MYRIP: variants seen among roughly 807,000 people sequenced by gnomAD.
MYRIP encodes myosin VIIA and Rab interacting protein.
In MYRIP, 49 loss-of-function variants were observed where a neutral mutation model predicts 98.0. That is an observed-to-expected ratio of 0.50 (90% confidence interval 0.40 to 0.63). The LOEUF (loss-of-function observed/expected upper bound fraction) is 0.63, where lower values mean the gene tolerates loss of function less well. Among genes scored for constraint, MYRIP ranks in the 30% least tolerant of loss-of-function variants. MYRIP has a pLI of 0.00. For synonymous variants in MYRIP, 404 were observed against 409.5 expected (o/e 0.99, Z 0.16); for missense variants, 1,004 against 1,058.2 (o/e 0.95, Z 0.71).
chr3:40,241,308 A>C (rs759200513), intron 12 of MYRIP, among the ~76,000 whole-genome samples: 4 of 152,294 alleles, frequency 2.6e-5, no homozygotes, highest in Middle Eastern at 6.8e-3. Flanking sequence ...CTGAATCCAG[A>C]TCCATGCAGA....
At position 40,151,202 on chromosome 3, in the gene MYRIP, C is replaced by G; in HGVS notation, c.469+18C>G. ...CATTCTAGGTACTCTCACTTCCTGC[C>G]GCTCTGGGAGTCTTTGGTGGGCTGG... On this transcript the variant is annotated intron_variant, in intron 4 of 16. Coordinates refer to ENST00000302541, the MANE Select transcript of MYRIP (RefSeq NM_015460.4). 1 of 1,586,600 alleles carries G rather than the reference C, an allele frequency of 6.3e-7. No homozygotes were observed.
chr3:39,810,115 T>C (rs1224171696), intron 1 of MYRIP, among the ~76,000 whole-genome samples, 199 bp downstream of exon 1: 1 of 152,244 alleles, frequency 6.6e-6, no homozygotes, highest in East Asian at 1.9e-4. Flanking sequence ...GCGCGGGTAC[T>C]TGAACTTGCT....
At position 40,210,081 on chromosome 3, in the gene MYRIP, A is replaced by G. The variant is rs748131429; in HGVS notation, c.1893A>G (p.Glu631=). Residue 631 remains glutamate, a synonymous_variant, in exon 11 of 17, where the codon GAA becomes GAG. Coordinates refer to ENST00000302541, the MANE Select transcript of MYRIP (RefSeq NM_015460.4). ...AAGACAACAGCCAGAGTGTCCAGGAAGAGCTGAAGAAGGTAAGGGCTGTGA... is the reference window on the plus strand; with the variant it reads ...AAGACAACAGCCAGAGTGTCCAGGAGGAGCTGAAGAAGGTAAGGGCTGTGA... The part of the protein sequence containing the change: ...SSEDNSQSVQ[E]ELKKKFSAVS... 1 of 1,613,844 alleles carries G rather than the reference A, an allele frequency of 6.2e-7. No individual in the cohort carries two copies. The highest frequency in any genetic ancestry group is 8.5e-7 in the Non-Finnish European group (1 of 1,179,846).
chr3:39,886,731 T>C (rs1171691893), intron 1 of MYRIP, among the ~76,000 whole-genome samples: 1 of 150,166 alleles, frequency 6.7e-6, no homozygotes, highest in Non-Finnish European at 1.5e-5. Context: ...CTCCCACACA[T>C]TAATAATGGG....
intron 3 of MYRIP, among the ~76,000 whole-genome samples, chr3:40,078,019 G>A (rs1253401612): frequency 6.6e-6 from 1 of 152,256 alleles, no homozygotes; most frequent in Non-Finnish European, 1.5e-5. Context: ...AGGAGCCCAT[G>A]GAGAGGGTGG....
chr3:39,948,732 A>G (rs967799862), intron 2 of MYRIP, among the ~76,000 whole-genome samples: 3 of 152,104 alleles, frequency 2.0e-5, no homozygotes, highest in Non-Finnish European at 4.4e-5. Context: ...GATTAGAGCA[A>G]TATTTGAAGA....
rs571872549 is a variant in MYRIP at position 40,009,492 on chromosome 3, TC to T, written c.111-34557del. 2.6e-5 allele frequency among the ~76,000 whole-genome samples: 4 copies of T among 152,262 alleles called. No homozygotes were observed. The East Asian group carries it at 7.7e-4, about 29-fold the overall frequency. On this transcript the variant is annotated intron_variant, in intron 2 of 16. Coordinates refer to ENST00000302541, the MANE Select transcript of MYRIP (RefSeq NM_015460.4). ...ACCTCATGATCCGCCCGCCTCGGCC[TC>T]GGCCTCCCAAAGTGCTGGGATTACA... is the stretch of plus-strand genomic sequence containing the variant.
At chr3:40,219,732 C>T (rs988127634) in intron 11 of MYRIP, among the ~76,000 whole-genome samples, 1 of 152,098 alleles carries the variant, frequency 6.6e-6, no homozygotes, top group African/African-American at 2.4e-5. Context: ...TCCAGTCTAT[C>T]GTTTTTGGAC....
At chr3:39,890,896 G>A (rs1943469090) in intron 1 of MYRIP, among the ~76,000 whole-genome samples, 1 of 152,016 alleles carries the variant, frequency 6.6e-6, no homozygotes, top group East Asian at 1.9e-4. Context: ...CACCTCAGGT[G>A]GTGTCCCTTG....
chr3:39,889,597 T>G (rs1943424452), intron 1 of MYRIP, among the ~76,000 whole-genome samples: 1 of 152,142 alleles, frequency 6.6e-6, no homozygotes, highest in Non-Finnish European at 1.5e-5. Context: ...AGTTAGTGGG[T>G]GCAGTGCACC....
At chr3:40,048,127 A>T (rs1269042080) in intron 3 of MYRIP, among the ~76,000 whole-genome samples, 2 of 152,286 alleles carry the variant, frequency 1.3e-5, no homozygotes, top group East Asian at 3.9e-4. Flanking sequence ...GTGGGTTTTT[A>T]AAACATTGTA....
chr3:40,072,992 A>G (rs1948263489), intron 3 of MYRIP, among the ~76,000 whole-genome samples: 1 of 152,248 alleles, frequency 6.6e-6, no homozygotes, highest in Non-Finnish European at 1.5e-5. Context: ...AAAAAGGTAT[A>G]TTAAAAATAT....
At chr3:39,885,285 T>A (rs961895569) in intron 1 of MYRIP, among the ~76,000 whole-genome samples, 1 of 152,076 alleles carries the variant, frequency 6.6e-6, no homozygotes, top group Non-Finnish European at 1.5e-5. Flanking sequence ...AAATCATTCT[T>A]TTGTCTTTGA....
intron 3 of MYRIP, among the ~76,000 whole-genome samples, chr3:40,118,867 A>G (rs1217035091): frequency 6.6e-6 from 1 of 151,416 alleles, no homozygotes; most frequent in Non-Finnish European, 1.5e-5. Flanking sequence ...GCTGAGAATG[A>G]TGGTTTCCAG....
chr3:39,881,929 TTTTTAAATGAC>T (rs1053281789), intron 1 of MYRIP, among the ~76,000 whole-genome samples: 1 of 152,166 alleles, frequency 6.6e-6, no homozygotes, highest in Non-Finnish European at 1.5e-5. Flanking sequence ...CCTGAGCATT[TTTTTAAATGAC>T]TTTTGAGGGT....
At chr3:39,985,856 T>C (rs1443011414) in intron 2 of MYRIP, among the ~76,000 whole-genome samples, 6 of 151,712 alleles carry the variant, frequency 4.0e-5, no homozygotes, top group Non-Finnish European at 8.8e-5. Context: ...ATAAAAACCC[T>C]AGAAGAAAAC....
At chr3:39,894,981 CTT>C (rs1943570748) in intron 1 of MYRIP, among the ~76,000 whole-genome samples, 2 of 152,104 alleles carry the variant, frequency 1.3e-5, no homozygotes, top group Non-Finnish European at 1.5e-5. Context: ...AAAATTGCAA[CTT>C]AGTGTAATTA....
chr3:39,959,864 A>G (rs758596764), intron 2 of MYRIP, among the ~76,000 whole-genome samples: 10 of 152,130 alleles, frequency 6.6e-5, no homozygotes, highest in Non-Finnish European at 1.3e-4. Flanking sequence ...TCTGAATGGC[A>G]GTGCTCCTGT....
intron 1 of MYRIP, among the ~76,000 whole-genome samples, chr3:39,838,683 G>T (rs1941701487): frequency 6.6e-6 from 1 of 151,994 alleles, no homozygotes; most frequent in Non-Finnish European, 1.5e-5. Flanking sequence ...TTTTTGTTGT[G>T]TCTCTGCCAG....
Sources: gnomAD v4.1 joint callset for allele counts (sites outside exome capture counted in the v4.1 genomes callset) on GRCh38, gnomAD v4.1.1 for gene constraint, MANE v1.5 for transcripts, NCBI Gene and HGNC (gene_info 2026-07-23, HGNC 2026-07-21) for gene names.